The following MYO1D variants were observed in gnomAD, a reference collection of about 807,000 sequenced individuals.
MYO1D encodes the protein unconventional myosin-Id.
A neutral mutation model predicts 122.0 loss-of-function variants in MYO1D; 83 were observed. The observed-to-expected ratio is 0.68, with a 90% confidence interval of 0.57 to 0.82. The LOEUF is 0.82. MYO1D is among the 40% of genes least tolerant of loss of function. MYO1D has a pLI of 0.00. For synonymous variants in MYO1D, 464 were observed against 446.9 expected, an observed-to-expected ratio of 1.04 and a Z score of -0.48; for missense variants, 1,157 against 1,269.5, an observed-to-expected ratio of 0.91 and a Z score of 1.35.
At chr17:32,798,294 C>T (rs2090434886) in intron 1 of MYO1D, among the ~76,000 whole-genome samples, 1 of 152,208 alleles carries the variant, frequency 6.6e-6, no homozygotes, top group Non-Finnish European at 1.5e-5. Flanking sequence ...TGGCTTTCCT[C>T]GTCAGAAGTC....
At chr17:32,658,989 ATAAGG>A in intron 17 of MYO1D, 121 bp downstream of exon 17, 1 of 919,120 alleles carries the variant, frequency 1.1e-6, no homozygotes, top group Non-Finnish European at 1.6e-6. Flanking sequence ...AACTGAAAAC[ATAAGG>A]TAAAGGTAAA....
At chr17:32,851,071 T>A (rs942311784) in intron 1 of MYO1D, among the ~76,000 whole-genome samples, 1 of 152,160 alleles carries the variant, frequency 6.6e-6, no homozygotes, top group Non-Finnish European at 1.5e-5. Flanking sequence ...GAGTTCAACA[T>A]CAGGAGGACC....
At chr17:32,622,182 G>A (rs1038301858) in intron 20 of MYO1D, among the ~76,000 whole-genome samples, 2 of 152,236 alleles carry the variant, frequency 1.3e-5, no homozygotes, top group African/African-American at 4.8e-5. Context: ...CCATCTTGGT[G>A]AGTCACCAGC....
intron 20 of MYO1D, among the ~76,000 whole-genome samples, chr17:32,628,453 T>C (rs1228961411): frequency 6.6e-6 from 1 of 152,236 alleles, no homozygotes; most frequent in Non-Finnish European, 1.5e-5. Flanking sequence ...TTATCTTTCC[T>C]GTGTGACTAG....
intron 1 of MYO1D, among the ~76,000 whole-genome samples, chr17:32,820,459 G>A (rs1368242261): frequency 2.0e-5 from 3 of 152,126 alleles, no homozygotes; most frequent in African/African-American, 7.2e-5. Flanking sequence ...AGCAAATCCT[G>A]CCATTTGTGA....
At chr17:32,657,367 C>T (rs1331702429) in intron 17 of MYO1D, among the ~76,000 whole-genome samples, 1 of 152,240 alleles carries the variant, frequency 6.6e-6, no homozygotes, top group Non-Finnish European at 1.5e-5. Flanking sequence ...GGCCAATGGT[C>T]TGTCTTGGTA....
chr17:32,505,830 G>T (rs1909484553), intron 21 of MYO1D, among the ~76,000 whole-genome samples: 1 of 152,190 alleles, frequency 6.6e-6, no homozygotes, highest in South Asian at 2.1e-4. Context: ...GGGAGATAAT[G>T]AAAATACAGA....
chr17:32,808,439 T>C (rs1178383120), intron 1 of MYO1D, among the ~76,000 whole-genome samples: 4 of 151,256 alleles, frequency 2.6e-5, no homozygotes, highest in African/African-American at 7.3e-5. Context: ...ATTCAAAAGA[T>C]ATAAAAGGAA....
intron 1 of MYO1D, among the ~76,000 whole-genome samples, chr17:32,848,001 A>AC (rs1300565736): frequency 1.3e-5 from 2 of 152,234 alleles, no homozygotes; most frequent in Non-Finnish European, 2.9e-5. Context: ...CCTACAGGGT[A>AC]CCTGCTATGT....
At chr17:32,768,695 T>C (rs181108368) in intron 6 of MYO1D, among the ~76,000 whole-genome samples, 41 of 152,302 alleles carry the variant, frequency 2.7e-4, no homozygotes, top group African/African-American at 8.7e-4. Context: ...CTTAACCTCA[T>C]TGAACCTCAA....
intron 14 of MYO1D, among the ~76,000 whole-genome samples, chr17:32,736,458 G>T (rs1435175595): frequency 6.6e-6 from 1 of 152,182 alleles, no homozygotes; most frequent in Admixed American, 6.5e-5. Context: ...CCAAGCACTA[G>T]GATGGTAGAG....
chr17:32,826,536 A>G (rs550518665), intron 1 of MYO1D, among the ~76,000 whole-genome samples: 2 of 152,342 alleles, frequency 1.3e-5, no homozygotes, highest in South Asian at 2.1e-4. Flanking sequence ...AGTAATTTCT[A>G]TGTTACTAAA....
chr17:32,867,307 T>C lies in MYO1D; in HGVS notation c.95+9471A>G, dbSNP rs112871403. Among the ~76,000 whole-genome samples, 587 of 147,226 alleles carry C rather than the reference T, an allele frequency of 4.0e-3. 1 individual carries two copies. Among genetic ancestry groups the C allele is most frequent in the Middle Eastern group, 0.021 (6 of 282 alleles). On this transcript the variant is annotated intron_variant, in intron 1 of 21. Transcript: ENST00000318217. Reference sequence around the variant, plus strand: ...CGCCACTGCACTTCAGCCCAGGTGATAGTGTGAGACTGTCTCAAAAAAAAA... The same window carrying C: ...CGCCACTGCACTTCAGCCCAGGTGACAGTGTGAGACTGTCTCAAAAAAAAA...
chr17:32,540,148 C>T (rs775640730), intron 21 of MYO1D, among the ~76,000 whole-genome samples: 6 of 151,584 alleles, frequency 4.0e-5, no homozygotes, highest in Admixed American at 6.6e-5. Flanking sequence ...TAGTTCAAAA[C>T]CAATCTGCCA....
chr17:32,680,919 C>A (rs866318160), intron 16 of MYO1D, among the ~76,000 whole-genome samples: 2,145 of 152,200 alleles, frequency 0.014, 53 homozygotes, highest in African/African-American at 0.049. Flanking sequence ...ATTATTGCCA[C>A]AATTTCAGAT....
intron 16 of MYO1D, among the ~76,000 whole-genome samples, chr17:32,669,286 C>A (rs1255225393): frequency 6.6e-6 from 1 of 152,178 alleles, no homozygotes; most frequent in Non-Finnish European, 1.5e-5. Flanking sequence ...ACTCTCACCA[C>A]CAGAGAGGAA....
intron 21 of MYO1D, among the ~76,000 whole-genome samples, chr17:32,583,031 T>A (rs749821896): frequency 6.6e-6 from 1 of 152,232 alleles, no homozygotes; most frequent in Admixed American, 6.5e-5. Context: ...ATATTTTTAT[T>A]CTTTCTGAAG....
intron 21 of MYO1D, among the ~76,000 whole-genome samples, chr17:32,507,684 T>C (rs1398432086): frequency 6.6e-6 from 1 of 152,200 alleles, no homozygotes. Flanking sequence ...ATGGAAGACC[T>C]AGCCTTCAAC....
chr17:32,634,543 T>C (rs968980150), intron 20 of MYO1D, among the ~76,000 whole-genome samples: 4 of 152,222 alleles, frequency 2.6e-5, no homozygotes, highest in Non-Finnish European at 2.9e-5. Context: ...TTTTTTATAG[T>C]GCATTAGGAA....
Sources: gnomAD v4.1 joint callset for allele counts (sites outside exome capture counted in the v4.1 genomes callset) on GRCh38, gnomAD v4.1.1 for gene constraint, MANE v1.5 for transcripts, NCBI Gene and HGNC (gene_info 2026-07-23, HGNC 2026-07-21) for gene names.